Variants in DTNA observed in about 807,000 individuals in gnomAD.
The protein encoded by DTNA is dystrophin-related protein 3.
Under a neutral mutation model 100.7 loss-of-function variants are expected in DTNA, and 43 were observed. The observed-to-expected ratio is 0.43, with a 90% confidence interval of 0.33 to 0.55. DTNA has a LOEUF of 0.55. DTNA is among the 20% of genes least tolerant of loss of function. The pLI is 0.04. For missense variants in DTNA, 798 were observed against 953.9 expected (o/e 0.84, Z 2.15); for synonymous variants, 349 against 347.9 (o/e 1.00, Z -0.04).
chr18:34,632,438 C>T (rs1381018627), intron 1 of DTNA, among the ~76,000 whole-genome samples: 1 of 152,144 alleles, frequency 6.6e-6, no homozygotes, highest in Non-Finnish European at 1.5e-5. Context: ...TTCTATATAA[C>T]GCTGGGCATG....
intron 1 of DTNA, among the ~76,000 whole-genome samples, chr18:34,564,713 A>T (rs2046938003): frequency 6.6e-6 from 1 of 152,216 alleles, no homozygotes; most frequent in South Asian, 2.1e-4. Context: ...CCAAGCCTTT[A>T]ATTAGACCAT....
At chr18:34,593,754 T>C (rs1207574824) in intron 1 of DTNA, among the ~76,000 whole-genome samples, 1 of 152,260 alleles carries the variant, frequency 6.6e-6, no homozygotes, top group Non-Finnish European at 1.5e-5. Flanking sequence ...ACTTCAGTTT[T>C]GACTTTATCC....
chr18:34,866,991 A>AAT lies in DTNA; in HGVS notation c.1743+2929_1743+2930insAT. The AAT allele has an allele frequency of 3.4e-6, 4 of 1,160,860 alleles. No individual in the cohort carries two copies. In the East Asian group the frequency reaches 1.4e-4, roughly 40 times the overall value. The allele number at this position is 1,160,860 out of a possible 1,614,324, so 71.9% of individuals were successfully genotyped here. On this transcript the variant is annotated intron_variant, in intron 17 of 22. Coordinates refer to ENST00000444659, the MANE Select transcript of DTNA (RefSeq NM_001386795.1). ...GGGAGCAGCAAACTCAAAAAAAAAA[A>AAT]CAAATTAAATTAAATTAAATTAAAT...
chr18:34,817,879 G>C (rs2095631158), intron 7 of DTNA: 1 of 1,146,648 alleles, frequency 8.7e-7, no homozygotes, highest in Non-Finnish European at 1.1e-6. Flanking sequence ...TTAAATTCTT[G>C]TAATGTGAGA....
At position 34,858,359 on chromosome 18, in the gene DTNA, A is replaced by G; in HGVS notation, c.1607A>G (p.Gln536Arg). ...QASQPTPEKAQQNPTLLAELR... is the reference protein window; with the variant it reads ...QASQPTPEKARQNPTLLAELR... The stretch of plus-strand genomic sequence containing the variant: ...TCTCAGCCCACGCCAGAGAAGGCAC[A>G]GCAAAACCCCACCCTGCTGGCAGAA... The change falls in exon 16 of 23, where the codon CAG becomes CGG. Residue 536 changes from glutamine to arginine, a missense_variant. Physicochemically the swap from Gln to Arg is conservative, Grantham distance 43. This residue lies in a region of DTNA where 159 missense variants were observed against 201.2 expected (regional missense o/e 0.79). Coordinates refer to ENST00000444659, the MANE Select transcript of DTNA (RefSeq NM_001386795.1). 6.2e-7 allele frequency: 1 copy of G among 1,614,196 alleles called. No homozygotes were observed. The highest frequency in any genetic ancestry group is 8.5e-7 in the Non-Finnish European group (1 of 1,180,036).
At position 34,794,150 on chromosome 18, in the gene DTNA, A is replaced by G. The variant is rs1242383709; in HGVS notation, c.262A>G (p.Ile88Val). The G allele has an allele frequency of 3.7e-6, 6 of 1,613,960 alleles. No individual in the cohort carries two copies. Among genetic ancestry groups the G allele is most frequent in the Non-Finnish European group, 3.4e-6 (4 of 1,179,998 alleles). ...VSRLEAVLST[I>V]FYQLNKRMPT... Reference sequence around the variant, plus strand: ...CCGCTTAGAGGCTGTGCTCTCCACTATTTTTTACCAGCTCAACAAACGGAT... The same window carrying G: ...CCGCTTAGAGGCTGTGCTCTCCACTGTTTTTTACCAGCTCAACAAACGGAT... The change falls in exon 4 of 23, where the codon ATT becomes GTT. Residue 88 changes from isoleucine (I) to valine (V), a missense_variant. Coordinates refer to ENST00000444659, the MANE Select transcript of DTNA (RefSeq NM_001386795.1).
intron 1 of DTNA, among the ~76,000 whole-genome samples, chr18:34,742,411 C>A (rs2090811671): frequency 6.6e-6 from 1 of 152,046 alleles, no homozygotes; most frequent in South Asian, 2.1e-4. Context: ...CTTCTGGAGG[C>A]CACATGCATT....
intron 1 of DTNA, among the ~76,000 whole-genome samples, chr18:34,692,720 A>G (rs984352717): frequency 6.6e-6 from 1 of 152,220 alleles, no homozygotes; most frequent in African/African-American, 2.4e-5. Flanking sequence ...CAAACTATTT[A>G]TACAAAATCT....
At chr18:34,769,725 CTTT>C (rs61242937) in intron 3 of DTNA, among the ~76,000 whole-genome samples, 2 of 53,870 alleles carry the variant, frequency 3.7e-5, no homozygotes, top group African/African-American at 4.9e-5. Flanking sequence ...CCCTCTGGGG[CTTT>C]TTTTTTTTTT....
At chr18:34,518,813 A>G (rs1398920396) in intron 1 of DTNA, among the ~76,000 whole-genome samples, 1 of 151,752 alleles carries the variant, frequency 6.6e-6, no homozygotes, top group African/African-American at 2.4e-5. Flanking sequence ...AGCACCTGAA[A>G]TATCTCCTGG....
Position 34,771,388 on chromosome 18 carries a change from A to G in DTNA, c.148+5347A>G, listed in dbSNP as rs369943061. Among the ~76,000 whole-genome samples, 85 of 152,178 alleles carry G rather than the reference A, an allele frequency of 5.6e-4. 2 individuals carry two copies. In the East Asian group the frequency reaches 0.012, roughly 21 times the overall value. On this transcript the variant is annotated intron_variant, in intron 3 of 22. Coordinates refer to ENST00000444659, the MANE Select transcript of DTNA (RefSeq NM_001386795.1). Reference sequence around the variant, plus strand: ...GTGGCGGGCGCCTGCAGTCCCAGCTACTTGGGAGGCTAAGGCAGGAGAATG... The same window carrying G: ...GTGGCGGGCGCCTGCAGTCCCAGCTGCTTGGGAGGCTAAGGCAGGAGAATG...
At chr18:34,810,140 G>T (rs1031148032) in intron 5 of DTNA, among the ~76,000 whole-genome samples, 3 of 152,162 alleles carry the variant, frequency 2.0e-5, no homozygotes, top group Admixed American at 1.3e-4. Context: ...GTCATGTGCT[G>T]TTCTAAAGCT....
intron 1 of DTNA, among the ~76,000 whole-genome samples, chr18:34,651,813 C>T (rs1459183324): frequency 1.3e-5 from 2 of 152,078 alleles, no homozygotes; most frequent in African/African-American, 4.8e-5. Flanking sequence ...CCTATAATCC[C>T]AGCACTTTGG....
At chr18:34,525,121 G>C (rs2042491862) in intron 1 of DTNA, among the ~76,000 whole-genome samples, 1 of 152,020 alleles carries the variant, frequency 6.6e-6, no homozygotes, top group Non-Finnish European at 1.5e-5. Flanking sequence ...CATTCATCTG[G>C]GGACTGAGAT....
At chr18:34,556,131 T>C (rs1482597426) in intron 1 of DTNA, among the ~76,000 whole-genome samples, 5 of 151,708 alleles carry the variant, frequency 3.3e-5, no homozygotes, top group Non-Finnish European at 7.4e-5. Flanking sequence ...GTAATGGCCT[T>C]CTTTGTCTCT....
At chr18:34,687,024 C>G (rs1364129279) in intron 1 of DTNA, among the ~76,000 whole-genome samples, 1 of 151,822 alleles carries the variant, frequency 6.6e-6, no homozygotes, top group Admixed American at 6.6e-5. Context: ...CTATTTGATT[C>G]TTCTCTCTTT....
At chr18:34,673,982 C>T (rs966180113) in intron 1 of DTNA, among the ~76,000 whole-genome samples, 4 of 152,152 alleles carry the variant, frequency 2.6e-5, no homozygotes, top group Non-Finnish European at 5.9e-5. Flanking sequence ...TATATGGATA[C>T]CCAGAATTGT....
At chr18:34,829,241 G>C (rs1258127686) in intron 10 of DTNA, 159 bp from the exon 11 acceptor site, 4 of 1,532,420 alleles carry the variant, frequency 2.6e-6, no homozygotes, top group Non-Finnish European at 3.5e-6. Context: ...GTTGTTTAAA[G>C]CTCACATTTC....
At chr18:34,827,735 TG>T in intron 10 of DTNA, 59 bp downstream of exon 10, 6 of 1,536,804 alleles carry the variant, frequency 3.9e-6, no homozygotes, top group Non-Finnish European at 5.4e-6. Context: ...CTTGATTCTG[TG>T]GTAAGAAAAA....
Sources: gnomAD v4.1 joint callset for allele counts (sites outside exome capture counted in the v4.1 genomes callset) on GRCh38, gnomAD v4.1.1 for gene constraint, gnomAD v4.1.1 regional missense constraint, MANE v1.5 for transcripts, NCBI Gene and HGNC (gene_info 2026-07-23, HGNC 2026-07-21) for gene names.